REXO1: variants seen among roughly 807,000 people sequenced by gnomAD.
REXO1 encodes the protein RNA exonuclease 1 homolog, also known as REX1, RNA exonuclease 1 homolog.
In REXO1, 42 loss-of-function variants were observed where a neutral mutation model predicts 102.6. The observed-to-expected ratio is 0.41, with a 90% CI of 0.32 to 0.53. The LOEUF (loss-of-function observed/expected upper bound fraction) is 0.53. REXO1 is among the 20% of genes least tolerant of loss of function. The probability of loss-of-function intolerance (pLI) is 0.27; values close to 1 mark genes in which losing one functional copy is unlikely to be tolerated. For missense variants in REXO1, 1,819 were observed against 1,732.5 expected (o/e 1.05, Z -0.89); for synonymous variants, 908 against 779.1 (o/e 1.17, Z -2.76).
chr19:1,836,908 G>A lies in REXO1; in HGVS notation c.158-8277C>T, dbSNP rs552348734. ...GCTGGCCCAGAACAGGCCAGGCAGAGACCCCAGATGGAAACAGACAGTCCC... is the reference window on the plus strand; with the variant it reads ...GCTGGCCCAGAACAGGCCAGGCAGAAACCCCAGATGGAAACAGACAGTCCC... On this transcript the variant is annotated intron_variant, in intron 1 of 15. Transcript: ENST00000170168. 1.4e-4 allele frequency among the ~76,000 whole-genome samples: 21 copies of A among 152,302 alleles called. No homozygotes were observed. In the East Asian group the frequency reaches 3.5e-3, roughly 25 times the overall value.
At chr19:1,843,472 C>G (rs961287611) in intron 1 of REXO1, among the ~76,000 whole-genome samples, 1 of 152,192 alleles carries the variant, frequency 6.6e-6, no homozygotes, top group Non-Finnish European at 1.5e-5. Flanking sequence ...CATCCTACAA[C>G]GCAAAGGACA....
chr19:1,827,324 A>G lies in REXO1; in HGVS notation c.1465T>C (p.Ser489Pro). ...GCTTTCCGCTCCACTAGCTTCCCCG[A>G]CGGGGCCTTGGTGCTCTTCCTGTCG... ...LPDRKSTKAP[S>P]GKLVERKARS... Residue 489 changes from serine to proline, a missense_variant, in exon 2 of 16, where the codon TCG becomes CCG. Transcript: ENST00000170168. The G allele has an allele frequency of 1.3e-6, 2 of 1,557,352 alleles. No homozygotes were observed. Among genetic ancestry groups the G allele is most frequent in the Admixed American group, 3.6e-5 (2 of 54,942 alleles).
intron 1 of REXO1, among the ~76,000 whole-genome samples, chr19:1,841,500 G>A (rs1260844404): frequency 1.3e-5 from 2 of 152,220 alleles, no homozygotes; most frequent in Non-Finnish European, 2.9e-5. Context: ...AGAAGAGCTC[G>A]CAGAGGCCGA....
At chr19:1,822,471 G>C (rs1022790589) in intron 4 of REXO1, 2 of 152,102 alleles carry the variant, frequency 1.3e-5, no homozygotes, top group African/African-American at 4.8e-5. Flanking sequence ...GGCGAGCCCA[G>C]GCAGCCACAG....
chr19:1,816,614 A>G (rs1354256213), intron 13 of REXO1, 45 bp from the exon 14 acceptor site: 26 of 908,108 alleles, frequency 2.9e-5, no homozygotes, highest in Non-Finnish European at 4.0e-5. Flanking sequence ...GCCTGGAAGC[A>G]CTGGCTGGTG....
rs1364820419 is a variant in REXO1 at position 1,828,646 on chromosome 19, G to C, written c.158-15C>G. 1 of 1,584,636 alleles carries C rather than the reference G, an allele frequency of 6.3e-7. No individual in the cohort carries two copies. The highest frequency in any genetic ancestry group is 1.3e-5 in the African/African-American group (1 of 74,596). ...GTAACCCAGCCCTGAAGGGAACAGA[G>C]AGCACAGCTGTGACCAGCCTGCCGG... On this transcript the variant is annotated splice_polypyrimidine_tract_variant and intron_variant, in intron 1 of 15. Transcript: ENST00000170168.
Position 1,815,710 on chromosome 19 carries a change from G to A in REXO1, c.*356C>T, listed in dbSNP as rs1026500507. On this transcript the variant is annotated 3_prime_UTR_variant, in exon 16 of 16. Transcript: ENST00000170168. This position sits in a 1 kb window ranked among gnomAD's most constrained non-coding sequence, Gnocchi z 4.0. ...CAAACCTGGGACAAGCCCGCCCCGC[G>A]ACCCACGTGAGGAGCAGAGGTGCCG... 2.3e-5 allele frequency: 32 copies of A among 1,366,896 alleles called. No homozygotes were observed. The highest frequency in any genetic ancestry group is 8.8e-5 in the East Asian group (3 of 33,998). The allele number at this position is 1,366,896 out of a possible 1,614,324, so 84.7% of individuals were successfully genotyped here. A position where few individuals can be genotyped will look rare whatever the true frequency, so the allele number is the denominator to read the frequency against.
intron 8 of REXO1, 65 bp downstream of exon 8, chr19:1,818,953 C>G (rs893538): frequency 0.79 from 1,241,988 of 1,575,152 alleles, 490,160 homozygotes; most frequent in African/African-American, 0.87. Context: ...CCGTGTGGCA[C>G]AGCAGGGGCT....
chr19:1,848,435 C>A lies in REXO1; in HGVS notation c.-77G>T. 9.3e-7 allele frequency: 1 copy of A among 1,071,100 alleles called. No individual in the cohort carries two copies. The highest frequency in any genetic ancestry group is 1.1e-6 in the Non-Finnish European group (1 of 876,070). The allele number at this position is 1,071,100 out of a possible 1,614,324, so 66.3% of individuals were successfully genotyped here. A position where few individuals can be genotyped will look rare whatever the true frequency, so the allele number is the denominator to read the frequency against. ...CCCTCACTGGCGCCGCGGTCGCCGC[C>A]GCCCGCGCCTCACGGACCCCGCCGC... On this transcript the variant is annotated 5_prime_UTR_variant, in exon 1 of 16. Transcript: ENST00000170168.
intron 3 of REXO1, among the ~76,000 whole-genome samples, chr19:1,825,512 A>G (rs534420514): frequency 5.9e-4 from 89 of 149,900 alleles, no homozygotes; most frequent in African/African-American, 2.0e-3. Context: ...GTCTTGCTCT[A>G]TCACCCAGGC....
chr19:1,845,778 G>C (rs1257367410), intron 1 of REXO1, among the ~76,000 whole-genome samples: 4 of 152,256 alleles, frequency 2.6e-5, no homozygotes, highest in African/African-American at 9.6e-5. Context: ...CTGAGCCTGT[G>C]ACCCAGGGCC....
In REXO1 at chr19:1,818,821, G is replaced by C. The variant is rs2145236354; in HGVS notation, c.2787C>G (p.Leu929=). The part of the protein sequence containing the change: ...DLKGAALYSR[L]REYLLTQDQL... ...GGTCCTGGGTGAGCAGGTACTCCCT[G>C]AGGCGGCTGTACAGGGCAGCCCCTG... is the stretch of plus-strand genomic sequence containing the variant. The change falls in exon 9 of 16, where the codon CTC becomes CTG. Residue 929 remains leucine, a synonymous_variant. Coordinates refer to ENST00000170168, the MANE Select transcript of REXO1 (RefSeq NM_020695.4). 1 of 1,609,376 alleles carries C rather than the reference G, an allele frequency of 6.2e-7. No homozygotes were observed. Among genetic ancestry groups the C allele is most frequent in the Non-Finnish European group, 8.5e-7 (1 of 1,179,826 alleles).
rs756476973 is a variant in REXO1 at position 1,823,665 on chromosome 19, C to T, written c.2137G>A (p.Ala713Thr). The T allele has an allele frequency of 1.2e-5, 15 of 1,293,670 alleles. No individual in the cohort carries two copies. The Admixed American group carries it at 2.1e-4, about 18-fold the overall frequency. The allele number at this position is 1,293,670 out of a possible 1,614,324, so 80.1% of individuals were successfully genotyped here. ...GAGGGCGACTTCTCTGCCAGCCTGG[C>T]GGGGGCCTGCAGCAAGCTCGCCGAT... ...RASASLLQAP[A>T]RLAEKSPSVH... Residue 713 changes from alanine to threonine, a missense_variant, in exon 4 of 16, where the codon GCC (alanine) becomes ACC (threonine). By Grantham distance (58) the Ala-to-Thr change is moderately conservative. Transcript: ENST00000170168.
Position 1,816,433 on chromosome 19 carries a change from T to G in REXO1, c.3454A>C (p.Lys1152Gln). The G allele has an allele frequency of 6.2e-7, 1 of 1,611,436 alleles. No individual in the cohort carries two copies. The highest frequency in any genetic ancestry group is 8.5e-7 in the Non-Finnish European group (1 of 1,179,272). Residue 1152 changes from lysine to glutamine, a missense_variant and splice_region_variant, in exon 14 of 16, where the codon AAG (lysine) becomes CAG (glutamine). By Grantham distance (53) the Lys-to-Gln change is moderately conservative. Coordinates refer to ENST00000170168, the MANE Select transcript of REXO1 (RefSeq NM_020695.4). ...HSLESDLLALKVIHSTVVDTS... is the reference protein window; with the variant it reads ...HSLESDLLALQVIHSTVVDTS... ...CGGGACCCGGGCCGGCAGGGCACCT[T>G]CAGGGCCAGGAGGTCGCTCTCCAGG...
rs3841563 is a variant in REXO1 at position 1,817,156 on chromosome 19, C to CCA, written c.3201+62_3201+63insTG. On this transcript the variant is annotated intron_variant, in intron 12 of 15. Transcript: ENST00000170168. ...CAGGCCCAGATGGGGCCAGATGGGGCGGCCGCACCAGGCCAGGTCCTCCCC... is the reference window on the plus strand; with the variant it reads ...CAGGCCCAGATGGGGCCAGATGGGGCCAGGCCGCACCAGGCCAGGTCCTCCCC... The CCA allele has an allele frequency of 2.0e-4, 313 of 1,586,566 alleles. 2 individuals carry two copies. The South Asian group carries it at 3.1e-3, about 16-fold the overall frequency.
Position 1,815,266 on chromosome 19 carries a change from T to G in REXO1, c.*800A>C, listed in dbSNP as rs2069328292. On this transcript the variant is annotated 3_prime_UTR_variant, in exon 16 of 16. Coordinates refer to ENST00000170168, the MANE Select transcript of REXO1 (RefSeq NM_020695.4). This position sits in a 1 kb window ranked among gnomAD's most constrained non-coding sequence, Gnocchi z 4.0. The stretch of plus-strand genomic sequence containing the variant: ...CAAAATCTAAAATCCATACAAACAT[T>G]TATTCTGTCCCTGCCTGGAGGTGAG... The G allele has an allele frequency of 6.6e-6, 1 of 152,368 alleles. No individual in the cohort carries two copies. 9.4% of individuals were successfully genotyped at this position (152,368 alleles called of 1,614,324 possible).
chr19:1,846,851 C>G (rs982409536), intron 1 of REXO1, among the ~76,000 whole-genome samples: 5 of 152,222 alleles, frequency 3.3e-5, no homozygotes, highest in African/African-American at 1.2e-4. Context: ...TGTGATCGCA[C>G]CACTGCACTC....
At chr19:1,840,455 G>A (rs2011228412) in intron 1 of REXO1, among the ~76,000 whole-genome samples, 1 of 152,106 alleles carries the variant, frequency 6.6e-6, no homozygotes, top group South Asian at 2.1e-4. Flanking sequence ...TCAACAGTGA[G>A]CCCCATCGGC....
intron 1 of REXO1, among the ~76,000 whole-genome samples, chr19:1,847,186 A>G (rs915226072): frequency 2.6e-5 from 4 of 152,248 alleles, no homozygotes; most frequent in Admixed American, 2.6e-4. Flanking sequence ...ACAACCGCCC[A>G]CAGGTGCAGG....
Sources: gnomAD v4.1 joint callset for allele counts (sites outside exome capture counted in the v4.1 genomes callset) on GRCh38, gnomAD v4.1.1 for gene constraint, Gnocchi (gnomAD v3.1) non-coding constraint, MANE v1.5 for transcripts, NCBI Gene and HGNC (gene_info 2026-07-23, HGNC 2026-07-21) for gene names.